The following ABL1 variants were observed in gnomAD, a reference collection of about 807,000 sequenced individuals.
The protein encoded by ABL1 is tyrosine-protein kinase ABL1.
A neutral mutation model predicts 94.7 loss-of-function variants in ABL1; 11 were observed. That is an observed-to-expected ratio of 0.12 (90% CI 0.07 to 0.19). The LOEUF (loss-of-function observed/expected upper bound fraction) is 0.19, where lower values mean the gene tolerates loss of function less well. Among genes scored for constraint, ABL1 ranks in the 10% least tolerant of loss-of-function variants. The pLI, the probability that ABL1 is intolerant of heterozygous loss-of-function variation, is 1.00. For synonymous variants in ABL1, 656 were observed against 622.4 expected, an observed-to-expected ratio of 1.05 and a Z score of -0.80; for missense variants, 1,082 against 1,489.4, an observed-to-expected ratio of 0.73 and a Z score of 4.50.
chr9:130,744,899 C>T lies in ABL1; in HGVS notation c.136+30444C>T, dbSNP rs369228437. Among the ~76,000 whole-genome samples, 9 of 150,590 alleles carry T rather than the reference C, an allele frequency of 6.0e-5. No homozygotes were observed. The South Asian group carries it at 1.9e-3, about 32-fold the overall frequency. On this transcript the variant is annotated intron_variant, in intron 1 of 10. Coordinates refer to the ABL1 transcript ENST00000372348. ...CAAAACTATCTTTTCTCTCTGGTTT[C>T]TTTGCTGTTCCTTTTCAGGAGAGAA... is the stretch of plus-strand genomic sequence containing the variant.
Position 130,884,546 on chromosome 9 carries a change from T to C in ABL1, c.2256T>C (p.Phe752=), listed in dbSNP as rs2133036505. 1 of 1,613,088 alleles carries C rather than the reference T, an allele frequency of 6.2e-7. No homozygotes were observed. The change falls in exon 11 of 11, where the codon TTT becomes TTC. Residue 752 remains phenylalanine, a synonymous_variant. Transcript: ENST00000318560. The surrounding 1 kb of genome is among the most constrained non-coding windows in gnomAD (Gnocchi z 5.6). ...GAAGACAGTTTGACTCGTCCACATT[T>C]GGAGGGCACAAAAGTGAGAAGCCGG... ...STGRQFDSST[F]GGHKSEKPAL...
chr9:130,847,338 C>CT (rs1439070976), intron 1 of ABL1, among the ~76,000 whole-genome samples: 1 of 151,414 alleles, frequency 6.6e-6, no homozygotes, highest in African/African-American at 2.4e-5. Context: ...AAAAGATCTG[C>CT]TGGAAGAACA....
At position 130,880,105 on chromosome 9, in the gene ABL1, T is replaced by C. The variant is rs1831425539; in HGVS notation, c.1461T>C (p.Ala487=). The C allele has an allele frequency of 6.2e-7, 1 of 1,614,210 alleles. No homozygotes were observed. The highest frequency in any genetic ancestry group is 8.5e-7 in the Non-Finnish European group (1 of 1,180,040). The change falls in exon 9 of 11, where the codon GCT becomes GCC. Residue 487 remains alanine (A), a synonymous_variant. Transcript: ENST00000318560. The surrounding 1 kb of genome is among the most constrained non-coding windows in gnomAD (Gnocchi z 4.4). ...ATCCCTCTGACCGGCCCTCCTTTGC[T>C]GAAATCCACCAAGCCTTTGAAACAA... ...QWNPSDRPSF[A]EIHQAFETMF... is the part of the protein sequence containing the mutation.
At chr9:130,859,672 CTTTCCTTTTTTTTTTT>C (rs1374787687) in intron 3 of ABL1, among the ~76,000 whole-genome samples, 4,905 of 86,570 alleles carry the variant, frequency 0.057, 483 homozygotes, top group African/African-American at 0.21. Flanking sequence ...TCTTTTCTTT[CTTTCCTTTTTTTTTTT>C]TTTTTTTTTT....
chr9:130,829,770 C>T (rs771696413), intron 1 of ABL1, among the ~76,000 whole-genome samples: 16 of 152,116 alleles, frequency 1.1e-4, no homozygotes, highest in African/African-American at 1.4e-4. Context: ...ATATTATTGG[C>T]TAAGCAGTGA....
chr9:130,733,220 G>C (rs1023610961), intron 1 of ABL1, among the ~76,000 whole-genome samples: 1 of 152,116 alleles, frequency 6.6e-6, no homozygotes, highest in Non-Finnish European at 1.5e-5. Flanking sequence ...GAGTTTTGGC[G>C]TGTTCACTTT....
chr9:130,875,024 C>T lies in ABL1; in HGVS notation c.1242C>T (p.Asn414=), dbSNP rs1268561344. ...CTGCACCCGAGAGCCTGGCCTACAA[C>T]AAGTTCTCCATCAAGTCCGACGTCT... The part of the protein sequence containing the change: ...KWTAPESLAY[N]KFSIKSDVWA... Residue 414 remains asparagine (N), a synonymous_variant, in exon 7 of 11, where the codon AAC becomes AAT. Transcript: ENST00000318560. 1 of 1,614,202 alleles carries T rather than the reference C, an allele frequency of 6.2e-7. No homozygotes were observed. The highest frequency in any genetic ancestry group is 1.7e-5 in the Admixed American group (1 of 60,022).
intron 1 of ABL1, among the ~76,000 whole-genome samples, chr9:130,784,271 G>GT (rs966810983): frequency 2.0e-5 from 3 of 152,040 alleles, no homozygotes; most frequent in Admixed American, 6.6e-5. Flanking sequence ...AAATTTCTGT[G>GT]TTTTTTTGTC....
At chr9:130,754,494 C>T (rs7046085) in intron 1 of ABL1, among the ~76,000 whole-genome samples, 36,232 of 130,842 alleles carry the variant, frequency 0.28, 6,410 homozygotes, top group East Asian at 0.52. Context: ...GGCGACAGAG[C>T]GAGACTCCGT....
chr9:130,861,188 A>C (rs1213980113), intron 3 of ABL1, among the ~76,000 whole-genome samples: 1 of 152,226 alleles, frequency 6.6e-6, no homozygotes, highest in Non-Finnish European at 1.5e-5. Context: ...CACAGTCCTT[A>C]CACCTTGAGC....
At chr9:130,849,054 G>A (rs1830818193) in intron 1 of ABL1, among the ~76,000 whole-genome samples, 1 of 152,022 alleles carries the variant, frequency 6.6e-6, no homozygotes, top group African/African-American at 2.4e-5. Flanking sequence ...TTCATAGTTG[G>A]GACCATGCCT....
chr9:130,742,134 GC>G (rs1588218327), intron 1 of ABL1, among the ~76,000 whole-genome samples: 1 of 152,122 alleles, frequency 6.6e-6, no homozygotes, highest in East Asian at 1.9e-4. Flanking sequence ...TTCTCTGGTT[GC>G]CCCTGGTTTT....
upstream of ABL1, among the ~76,000 whole-genome samples, chr9:130,833,486 T>C (rs2261468): frequency 0.22 from 33,152 of 152,060 alleles, 4,411 homozygotes; most frequent in African/African-American, 0.38. Flanking sequence ...ATGACAGCGC[T>C]TCCCAGATCC....
intron 1 of ABL1, among the ~76,000 whole-genome samples, chr9:130,811,735 T>C (rs1156895337): frequency 6.6e-6 from 1 of 151,360 alleles, no homozygotes; most frequent in Non-Finnish European, 1.5e-5. Flanking sequence ...AGGGTGAAAC[T>C]TTGTCTCTAC....
At chr9:130,745,460 A>G (rs1453011343) in intron 1 of ABL1, among the ~76,000 whole-genome samples, 1 of 150,494 alleles carries the variant, frequency 6.6e-6, no homozygotes, top group Non-Finnish European at 1.5e-5. Flanking sequence ...TTTGATTTTC[A>G]GTTTTCTGTA....
chr9:130,855,813 A>G (rs1588269539), intron 3 of ABL1, among the ~76,000 whole-genome samples: 2 of 152,202 alleles, frequency 1.3e-5, no homozygotes, highest in Admixed American at 6.5e-5. Flanking sequence ...ATGTCAACCT[A>G]GTGAGTCACT....
At chr9:130,717,366 A>G (rs1450143238) in intron 1 of ABL1, among the ~76,000 whole-genome samples, 5 of 152,016 alleles carry the variant, frequency 3.3e-5, no homozygotes, top group Non-Finnish European at 5.9e-5. Context: ...CTAAATGATC[A>G]ATGCATGATA....
At chr9:130,720,897 T>G (rs1831505957) in intron 1 of ABL1, among the ~76,000 whole-genome samples, 1 of 151,814 alleles carries the variant, frequency 6.6e-6, no homozygotes, top group African/African-American at 2.4e-5. Flanking sequence ...ACTGAATAAC[T>G]GGAAGAATAG....
At chr9:130,831,856 C>G (rs1020122610), upstream of ABL1, among the ~76,000 whole-genome samples, 3 of 152,160 alleles carry the variant, frequency 2.0e-5, no homozygotes, top group African/African-American at 7.2e-5. Context: ...TGATCGCCCA[C>G]CTTAGCCTCC....
Sources: gnomAD v4.1 joint callset for allele counts (sites outside exome capture counted in the v4.1 genomes callset) on GRCh38, gnomAD v4.1.1 for gene constraint, Gnocchi (gnomAD v3.1) non-coding constraint, MANE v1.5 for transcripts, NCBI Gene and HGNC (gene_info 2026-07-23, HGNC 2026-07-21) for gene names.